Variants in PCDHGA9 observed in about 807,000 individuals in gnomAD.
PCDHGA9 encodes the protein protocadherin gamma subfamily A, 9, also known as protocadherin gamma-A9.
Under a neutral mutation model 62.5 loss-of-function variants are expected in PCDHGA9, and 37 were observed. The ratio of observed to expected loss-of-function variants is 0.59; its 90% confidence interval spans 0.46 to 0.78. PCDHGA9 has a LOEUF of 0.78. Among genes scored for constraint, PCDHGA9 ranks in the 30% least tolerant of loss-of-function variants. The pLI, the probability that PCDHGA9 is intolerant of heterozygous loss-of-function variation, is 0.00. For synonymous variants in PCDHGA9, 459 were observed against 484.6 expected (o/e 0.95, Z 0.69); for missense variants, 1,138 against 1,166.2 (o/e 0.98, Z 0.35).
intron 1 of PCDHGA9, chr5:141,413,736 G>C: frequency 6.2e-7 from 1 of 1,613,452 alleles, no homozygotes; most frequent in South Asian, 1.1e-5. Context: ...TAAGAGTTCA[G>C]AGCCGTGCCA....
chr5:141,489,477 G>C lies in PCDHGA9; in HGVS notation c.2425-5330G>C, dbSNP rs2154581232. 1.9e-6 allele frequency: 3 copies of C among 1,614,108 alleles called. No homozygotes were observed. Among genetic ancestry groups the C allele is most frequent in the Non-Finnish European group, 2.5e-6 (3 of 1,180,034 alleles). ...ATGGGCGCTATTTTTCCCTGAGCTT[G>C]ATGAGTGGTGCCCTGGCAGTGAATC... is the stretch of plus-strand genomic sequence containing the variant. On this transcript the variant is annotated intron_variant, in intron 1 of 3. Coordinates refer to ENST00000573521, the MANE Select transcript of PCDHGA9 (RefSeq NM_018921.3). This position sits in a 1 kb window ranked among gnomAD's most constrained non-coding sequence, Gnocchi z 4.5.
intron 2 of PCDHGA9, among the ~76,000 whole-genome samples, chr5:141,496,347 T>C (rs1168306693): frequency 6.6e-6 from 1 of 152,198 alleles, no homozygotes; most frequent in Non-Finnish European, 1.5e-5. Context: ...TGGAGGAGTC[T>C]CAGAGCCCAG....
At position 141,432,476 on chromosome 5, in the gene PCDHGA9, A is replaced by T. The variant is rs778378071; in HGVS notation, c.2424+27100A>T. On this transcript the variant is annotated intron_variant, in intron 1 of 3. Transcript: ENST00000573521. This position sits in a 1 kb window ranked among gnomAD's most constrained non-coding sequence, Gnocchi z 6.0. ...CCCCGCCCTCCCCACGGACGGTTCC[A>T]CTGGCGTGGAGCTGGCTCCCCGCTC... 4.6e-5 allele frequency: 75 copies of T among 1,613,962 alleles called. No homozygotes were observed. In the South Asian group the frequency reaches 7.9e-4, roughly 17 times the overall value.
At chr5:141,415,185 C>G (rs375113497) in intron 1 of PCDHGA9, 66 of 1,613,860 alleles carry the variant, frequency 4.1e-5, no homozygotes, top group Non-Finnish European at 5.4e-5. Flanking sequence ...CCGTGGCCGA[C>G]AGCATCCCCC....
At chr5:141,410,440 G>C in intron 1 of PCDHGA9, 1 of 1,614,036 alleles carries the variant, frequency 6.2e-7, no homozygotes, top group Non-Finnish European at 8.5e-7. Context: ...ACAGTGAGGG[G>C]ACTTTGCCTT....
At chr5:141,481,606 C>T (rs2099540144) in intron 1 of PCDHGA9, among the ~76,000 whole-genome samples, 1 of 152,000 alleles carries the variant, frequency 6.6e-6, no homozygotes, top group South Asian at 2.1e-4. Context: ...TCACCTGAGG[C>T]CAGGAGTTCA....
intron 1 of PCDHGA9, chr5:141,408,823 T>G: frequency 4.3e-6 from 7 of 1,613,568 alleles, no homozygotes; most frequent in Non-Finnish European, 5.9e-6. Flanking sequence ...AACAGAGATC[T>G]CATAGCTTGA....
intron 1 of PCDHGA9, chr5:141,423,595 G>A: frequency 6.2e-7 from 1 of 1,613,216 alleles, no homozygotes; most frequent in Non-Finnish European, 8.5e-7. Flanking sequence ...TGAGAAAAGC[G>A]AGCCACTCTT....
Position 141,491,458 on chromosome 5 carries a change from G to C in PCDHGA9, c.2425-3349G>C. 1 of 1,614,092 alleles carries C rather than the reference G, an allele frequency of 6.2e-7. No individual in the cohort carries two copies. The highest frequency in any genetic ancestry group is 8.5e-7 in the Non-Finnish European group (1 of 1,180,022). On this transcript the variant is annotated intron_variant, in intron 1 of 3. Coordinates refer to ENST00000573521, the MANE Select transcript of PCDHGA9 (RefSeq NM_018921.3). The surrounding 1 kb of genome is among the most constrained non-coding windows in gnomAD (Gnocchi z 6.9). Reference sequence around the variant, plus strand: ...CAGGCGCCAGGACTCACCCTCCCCGGACTTCTATAAGCAGTCCAGCCCCAA... The same window carrying C: ...CAGGCGCCAGGACTCACCCTCCCCGCACTTCTATAAGCAGTCCAGCCCCAA...
At chr5:141,508,760 T>A (rs1004267844) in intron 3 of PCDHGA9, among the ~76,000 whole-genome samples, 17 of 151,522 alleles carry the variant, frequency 1.1e-4, no homozygotes, top group Admixed American at 1.1e-3. Flanking sequence ...CTCTGGCGCC[T>A]CTGAGGTCCC....
rs2099427481 is a variant in PCDHGA9 at position 141,477,973 on chromosome 5, T to A, written c.2425-16834T>A. On this transcript the variant is annotated intron_variant, in intron 1 of 3. Coordinates refer to ENST00000573521, the MANE Select transcript of PCDHGA9 (RefSeq NM_018921.3). The surrounding 1 kb of genome is among the most constrained non-coding windows in gnomAD (Gnocchi z 4.9). The stretch of plus-strand genomic sequence containing the variant: ...TGGGATCCCCTAACCAGAGCCTTTT[T>A]GCCATAGGGCTGCACACTGGTCAAA... 1 of 1,614,030 alleles carries A rather than the reference T, an allele frequency of 6.2e-7. No individual in the cohort carries two copies. The highest frequency in any genetic ancestry group is 8.5e-7 in the Non-Finnish European group (1 of 1,180,030).
chr5:141,482,890 G>C (rs577635020), intron 1 of PCDHGA9, among the ~76,000 whole-genome samples: 10 of 152,274 alleles, frequency 6.6e-5, no homozygotes, highest in African/African-American at 2.4e-4. Flanking sequence ...TGGCCAACAT[G>C]GTGAAACCTC....
intron 1 of PCDHGA9, among the ~76,000 whole-genome samples, chr5:141,482,782 G>T (rs775083331): frequency 1.6e-4 from 25 of 152,154 alleles, no homozygotes; most frequent in Non-Finnish European, 3.2e-4. Context: ...ACCTTAAACT[G>T]TGTGTGTGGC....
Position 141,490,348 on chromosome 5 carries a change from G to T in PCDHGA9, c.2425-4459G>T, listed in dbSNP as rs2099698964. On this transcript the variant is annotated intron_variant, in intron 1 of 3. Transcript: ENST00000573521. The surrounding 1 kb of genome is among the most constrained non-coding windows in gnomAD (Gnocchi z 5.4). ...GAGCACACCAGTGGGCACAGTAGTG[G>T]GGTTGTTTAATGTGCGAGACCGGGA... The T allele has an allele frequency of 1.2e-6, 2 of 1,614,080 alleles. No homozygotes were observed. The highest frequency in any genetic ancestry group is 3.3e-5 in the Admixed American group (2 of 60,018).
intron 1 of PCDHGA9, among the ~76,000 whole-genome samples, chr5:141,466,868 CA>C (rs1343260699): frequency 1.3e-5 from 2 of 152,100 alleles, no homozygotes; most frequent in African/African-American, 2.4e-5. Flanking sequence ...GAAATCCACA[CA>C]TTTTTTTCAT....
intron 1 of PCDHGA9, chr5:141,419,481 C>A (rs2096389716): frequency 2.5e-6 from 4 of 1,612,424 alleles, no homozygotes; most frequent in Non-Finnish European, 3.4e-6. Context: ...GGCTCGCCCG[C>A]GCTCAGCGCC....
intron 1 of PCDHGA9, chr5:141,415,740 G>GTTTTTTGT (rs2095911797): frequency 1.9e-6 from 1 of 515,998 alleles, no homozygotes; most frequent in East Asian, 8.3e-5. Flanking sequence ...GTTTATTAAG[G>GTTTTTTGT]TTTTTTTTTT....
At chr5:141,421,878 T>C (rs1364225081) in intron 1 of PCDHGA9, 1 of 1,613,612 alleles carries the variant, frequency 6.2e-7, no homozygotes, top group African/African-American at 1.3e-5. Context: ...CAGCTTTAGA[T>C]GGAGGCGATC....
At position 141,486,493 on chromosome 5, in the gene PCDHGA9, T is replaced by C. The variant is rs761905572; in HGVS notation, c.2425-8314T>C. The C allele has an allele frequency of 1.2e-6, 2 of 1,614,136 alleles. No homozygotes were observed. The highest frequency in any genetic ancestry group is 1.7e-6 in the Non-Finnish European group (2 of 1,179,960). Reference sequence around the variant, plus strand: ...ACCCTCCTCTCAGTACCCACAGAACTATTTTCCTCAATATTTCAGATGTGA... The same window carrying C: ...ACCCTCCTCTCAGTACCCACAGAACCATTTTCCTCAATATTTCAGATGTGA... On this transcript the variant is annotated intron_variant, in intron 1 of 3. Transcript: ENST00000573521. The surrounding 1 kb of genome is among the most constrained non-coding windows in gnomAD (Gnocchi z 5.0).
Sources: allele counts gnomAD v4.1 joint callset (sites outside exome capture counted in the v4.1 genomes callset), GRCh38; gene constraint gnomAD v4.1.1; non-coding constraint Gnocchi (gnomAD v3.1); transcripts MANE v1.5; gene names NCBI Gene and HGNC (gene_info 2026-07-23, HGNC 2026-07-21).